Variants in PLCL2 observed in about 807,000 individuals in gnomAD.
PLCL2 encodes inactive phospholipase C-like protein 2.
A neutral mutation model predicts 79.6 loss-of-function variants in PLCL2; 4 were observed. That is an observed-to-expected ratio of 0.05 (90% CI 0.02 to 0.11). PLCL2 has a LOEUF of 0.11. PLCL2 is among the 10% of genes least tolerant of loss of function. The pLI, the probability that PLCL2 is intolerant of heterozygous loss-of-function variation, is 1.00. For synonymous variants in PLCL2, 484 were observed against 457.7 expected (o/e 1.06, Z -0.73); for missense variants, 895 against 1,291.0 (o/e 0.69, Z 4.70).
intron 4 of PLCL2, among the ~76,000 whole-genome samples, chr3:17,062,679 A>G (rs1401603368): frequency 1.3e-5 from 2 of 152,254 alleles, no homozygotes; most frequent in Non-Finnish European, 2.9e-5. Flanking sequence ...TAACTTCAAG[A>G]TAATGTGAAC....
At chr3:17,068,415 T>G (rs2065030753) in intron 5 of PLCL2, among the ~76,000 whole-genome samples, 4 of 152,202 alleles carry the variant, frequency 2.6e-5, no homozygotes, top group Non-Finnish European at 5.9e-5. Flanking sequence ...AATTTAAAGA[T>G]TCTAGTTACT....
chr3:16,940,271 T>G (rs1296249767), intron 1 of PLCL2, among the ~76,000 whole-genome samples: 3 of 152,222 alleles, frequency 2.0e-5, no homozygotes, highest in Admixed American at 2.0e-4. Flanking sequence ...TCTGAACCTG[T>G]TCACTTCTCA....
At position 17,089,880 on chromosome 3, in the gene PLCL2, C is replaced by A; in HGVS notation, c.3352C>A (p.Pro1118Thr). Residue 1118 changes from proline to threonine, a missense_variant, in exon 6 of 6, where the codon CCC (proline) becomes ACC (threonine). Transcript: ENST00000615277. ...GCCACGCCGGAGCTTGGAAGTCATA[C>A]CCGAAAAAGCAAACGATGAAACTGG... ...QKPRRSLEVI[P>T]EKANDETGE 6.2e-7 allele frequency: 1 copy of A among 1,613,086 alleles called. No homozygotes were observed. The highest frequency in any genetic ancestry group is 8.5e-7 in the Non-Finnish European group (1 of 1,179,702).
chr3:16,957,894 C>T (rs2063721444), intron 1 of PLCL2, among the ~76,000 whole-genome samples: 1 of 152,164 alleles, frequency 6.6e-6, no homozygotes, highest in African/African-American at 2.4e-5. Context: ...GGTCTTCCTC[C>T]ATCCCTTTAT....
intron 1 of PLCL2, among the ~76,000 whole-genome samples, chr3:16,945,885 T>G (rs1193797975): frequency 6.6e-6 from 1 of 152,234 alleles, no homozygotes; most frequent in African/African-American, 2.4e-5. Flanking sequence ...CTTCTGCAGG[T>G]TTATTCACAT....
At chr3:17,081,235 A>G (rs995059362) in intron 5 of PLCL2, 16 of 456,596 alleles carry the variant, frequency 3.5e-5, no homozygotes, top group Middle Eastern at 3.2e-4. Context: ...AGACTCCCAT[A>G]ATGGTATGAG....
intron 1 of PLCL2, among the ~76,000 whole-genome samples, chr3:16,962,160 G>A (rs2063761022): frequency 6.6e-6 from 1 of 152,164 alleles, no homozygotes; most frequent in Admixed American, 6.6e-5. Flanking sequence ...CATATGTAAG[G>A]AATAGACAGT....
intron 1 of PLCL2, among the ~76,000 whole-genome samples, chr3:16,936,183 T>C (rs199752688): frequency 8.7e-4 from 133 of 152,362 alleles, no homozygotes; most frequent in Non-Finnish European, 1.4e-3. Context: ...ACATTTATCA[T>C]TTGGCAGCAA....
rs141335079 is a variant in PLCL2, at chr3:16,931,385, G to C, written c.327+46019G>C. 5.8e-3 allele frequency among the ~76,000 whole-genome samples: 876 copies of C among 152,184 alleles called. 11 individuals are homozygous for C. Among genetic ancestry groups the C allele is most frequent in the Non-Finnish European group, 7.7e-3 (525 of 68,000 alleles). ...AACAATTAAATGCTTATTTGTATTT[G>C]ATCTCATTTTAGTCTTTTTCTCTTC... On this transcript the variant is annotated intron_variant, in intron 1 of 5. Coordinates refer to ENST00000615277, the MANE Select transcript of PLCL2 (RefSeq NM_001144382.2).
chr3:16,906,264 C>T (rs1306390885), intron 1 of PLCL2, among the ~76,000 whole-genome samples: 1 of 152,084 alleles, frequency 6.6e-6, no homozygotes, highest in Non-Finnish European at 1.5e-5. Context: ...TAAGTTGGCC[C>T]TGAGGTGTGC....
In PLCL2 at chr3:16,886,521, T is replaced by G. The variant is rs1696227128; in HGVS notation, c.327+1155T>G. On this transcript the variant is annotated intron_variant, in intron 1 of 5. Transcript: ENST00000615277. This position sits in a 1 kb window ranked among gnomAD's most constrained non-coding sequence, Gnocchi z 4.2. ...GTTATCAACTTATGCAGTAATCTAG[T>G]GAAATATACCATCTTGCTACTCTAT... 6.6e-6 allele frequency among the ~76,000 whole-genome samples: 1 copy of G among 152,214 alleles called. No individual in the cohort carries two copies. The highest frequency in any genetic ancestry group is 1.5e-5 in the Non-Finnish European group (1 of 68,038).
chr3:16,920,801 C>T (rs570637492), intron 1 of PLCL2, among the ~76,000 whole-genome samples: 4 of 152,278 alleles, frequency 2.6e-5, no homozygotes, highest in Admixed American at 2.0e-4. Flanking sequence ...ACCACTACTA[C>T]GTGAGAATAC....
intron 1 of PLCL2, among the ~76,000 whole-genome samples, chr3:16,931,921 G>A (rs1351228594): frequency 2.6e-5 from 4 of 152,156 alleles, no homozygotes; most frequent in South Asian, 2.1e-4. Context: ...TCATGAAGGA[G>A]GAGCCCTCAT....
At chr3:16,911,844 T>C (rs1390470594) in intron 1 of PLCL2, among the ~76,000 whole-genome samples, 2 of 152,230 alleles carry the variant, frequency 1.3e-5, no homozygotes, top group African/African-American at 2.4e-5. Flanking sequence ...ACCAACATGA[T>C]ACCACAAGTG....
At chr3:17,070,987 C>T (rs572485704) in intron 5 of PLCL2, among the ~76,000 whole-genome samples, 5 of 152,212 alleles carry the variant, frequency 3.3e-5, no homozygotes, top group African/African-American at 1.2e-4. Flanking sequence ...AAGCCTCATC[C>T]CAGACTTCCC....
intron 1 of PLCL2, among the ~76,000 whole-genome samples, chr3:16,911,581 C>T (rs1696883429): frequency 6.6e-6 from 1 of 152,146 alleles, no homozygotes; most frequent in African/African-American, 2.4e-5. Context: ...TGCCTCCTTT[C>T]CCAATTAGCT....
Position 16,886,078 on chromosome 3 carries a change from G to A in PLCL2, c.327+712G>A, listed in dbSNP as rs1007945372. ...TGGTTTTGCTTGCACAGTGTTAGCG[G>A]AAGAAAGCCAGCGATTGTTTTGAGC... On this transcript the variant is annotated intron_variant, in intron 1 of 5. Coordinates refer to ENST00000615277, the MANE Select transcript of PLCL2 (RefSeq NM_001144382.2). The surrounding 1 kb of genome is among the most constrained non-coding windows in gnomAD (Gnocchi z 4.2). Among the ~76,000 whole-genome samples, 11 of 152,230 alleles carry A rather than the reference G, an allele frequency of 7.2e-5. No individual in the cohort carries two copies. The highest frequency in any genetic ancestry group is 2.7e-4 in the African/African-American group (11 of 41,462).
intron 1 of PLCL2, among the ~76,000 whole-genome samples, chr3:16,977,385 G>T (rs2063936976): frequency 6.6e-6 from 1 of 152,060 alleles, no homozygotes; most frequent in African/African-American, 2.4e-5. Context: ...CACCACACTA[G>T]CTTCCCTTCA....
At chr3:17,043,744 T>TA (rs1230259422) in intron 4 of PLCL2, among the ~76,000 whole-genome samples, 4 of 152,198 alleles carry the variant, frequency 2.6e-5, no homozygotes, top group Non-Finnish European at 5.9e-5. Context: ...TGAACTTGTT[T>TA]AAAATAGATT....
Sources: allele counts gnomAD v4.1 joint callset (sites outside exome capture counted in the v4.1 genomes callset), GRCh38; gene constraint gnomAD v4.1.1; non-coding constraint Gnocchi (gnomAD v3.1); transcripts MANE v1.5; gene names NCBI Gene and HGNC (gene_info 2026-07-23, HGNC 2026-07-21).